The following TRPC7 variants were observed in gnomAD, a reference collection of about 807,000 sequenced individuals.
The protein encoded by TRPC7 is transient receptor potential cation channel subfamily C member 7.
A neutral mutation model predicts 90.1 loss-of-function variants in TRPC7; 42 were observed. That is an observed-to-expected ratio of 0.47 (90% CI 0.36 to 0.60). The LOEUF is 0.60. Among genes scored for constraint, TRPC7 ranks in the 20% least tolerant of loss-of-function variants. The pLI is 0.00. For missense variants in TRPC7, 955 were observed against 1,112.3 expected, an observed-to-expected ratio of 0.86 and a Z score of 2.01; for synonymous variants, 451 against 436.3, an observed-to-expected ratio of 1.03 and a Z score of -0.42.
rs535822616 is a variant in TRPC7, at chr5:136,277,577, C to T, written c.964-2740G>A. On this transcript the variant is annotated intron_variant, in intron 3 of 11. Coordinates refer to ENST00000513104, the MANE Select transcript of TRPC7 (RefSeq NM_020389.3). ...AGGAGGATGAGAGTAGCAAATGAAG[C>T]ACACCAACAGGACACAAAGAAAACT... 2.0e-5 allele frequency among the ~76,000 whole-genome samples: 3 copies of T among 152,196 alleles called. No homozygotes were observed. The East Asian group carries it at 5.8e-4, about 29-fold the overall frequency.
intron 10 of TRPC7, among the ~76,000 whole-genome samples, chr5:136,224,713 A>G (rs1755572433): frequency 6.6e-6 from 1 of 152,094 alleles, no homozygotes; most frequent in Non-Finnish European, 1.5e-5. Flanking sequence ...ATACAATTTC[A>G]TCATCTCCCC....
At chr5:136,324,846 A>G (rs1391020388) in intron 2 of TRPC7, among the ~76,000 whole-genome samples, 3 of 152,246 alleles carry the variant, frequency 2.0e-5, no homozygotes, top group Admixed American at 2.0e-4. Flanking sequence ...CATCCATACA[A>G]TACAGGATAA....
At chr5:136,288,198 T>C (rs562480784) in intron 3 of TRPC7, among the ~76,000 whole-genome samples, 55 of 152,182 alleles carry the variant, frequency 3.6e-4, no homozygotes, top group African/African-American at 1.3e-3. Context: ...ACACGCCTAC[T>C]TCAGAGCTTG....
intron 2 of TRPC7, among the ~76,000 whole-genome samples, chr5:136,356,313 A>C (rs1326381804): frequency 6.6e-6 from 1 of 152,242 alleles, no homozygotes; most frequent in African/African-American, 2.4e-5. Flanking sequence ...TAAGGCATTG[A>C]CATCAGAACC....
chr5:136,275,479 C>T (rs1424407218), intron 3 of TRPC7, among the ~76,000 whole-genome samples: 1 of 152,146 alleles, frequency 6.6e-6, no homozygotes, highest in Non-Finnish European at 1.5e-5. Flanking sequence ...AATATTTTCT[C>T]ACTGGATCCC....
intron 3 of TRPC7, among the ~76,000 whole-genome samples, chr5:136,299,313 A>C (rs865803751): frequency 1.3e-5 from 2 of 148,848 alleles, no homozygotes; most frequent in African/African-American, 5.1e-5. Flanking sequence ...AAAAAAAAAA[A>C]AGAAATTTCT....
chr5:136,333,676 T>C (rs894905402), intron 2 of TRPC7, among the ~76,000 whole-genome samples: 1 of 152,072 alleles, frequency 6.6e-6, no homozygotes, highest in Admixed American at 6.5e-5. Flanking sequence ...GTGGTAAGGA[T>C]ACAGGGATGG....
Position 136,311,928 on chromosome 5 carries a change from A to G in TRPC7, c.963+3669T>C, listed in dbSNP as rs555491903. On this transcript the variant is annotated intron_variant, in intron 3 of 11. Coordinates refer to ENST00000513104, the MANE Select transcript of TRPC7 (RefSeq NM_020389.3). ...ACTGCCTCATTTATACCCATCGGCTACTGAAGCCTGGAGATATTTGAGGCA... is the reference window on the plus strand; with the variant it reads ...ACTGCCTCATTTATACCCATCGGCTGCTGAAGCCTGGAGATATTTGAGGCA... Among the ~76,000 whole-genome samples, 450 of 152,348 alleles carry G rather than the reference A, an allele frequency of 3.0e-3. 1 individual carries two copies. The highest frequency in any genetic ancestry group is 5.6e-3 in the Non-Finnish European group (382 of 68,016).
chr5:136,311,420 C>G (rs192333150), intron 3 of TRPC7, among the ~76,000 whole-genome samples: 33 of 152,306 alleles, frequency 2.2e-4, no homozygotes, highest in African/African-American at 7.7e-4. Context: ...ATGGCAGACA[C>G]TGGGGTCCCT....
intron 3 of TRPC7, among the ~76,000 whole-genome samples, chr5:136,282,756 T>C (rs983708802): frequency 2.6e-5 from 4 of 152,172 alleles, no homozygotes; most frequent in Non-Finnish European, 5.9e-5. Context: ...ATGTTCCAGG[T>C]CTTGGCAGCT....
chr5:136,226,413 T>G (rs1755632891), intron 8 of TRPC7, 158 bp from the exon 9 acceptor site: 1 of 621,802 alleles, frequency 1.6e-6, no homozygotes, highest in Non-Finnish European at 2.8e-6. Context: ...AAGGGGAGTT[T>G]GCTCTCACTA....
At chr5:136,295,542 GC>G (rs1404405173) in intron 3 of TRPC7, among the ~76,000 whole-genome samples, 1 of 152,010 alleles carries the variant, frequency 6.6e-6, no homozygotes, top group East Asian at 1.9e-4. Flanking sequence ...AGTCCCCAGT[GC>G]CCCAGTCCCC....
At chr5:136,292,844 A>AT (rs1758010846) in intron 3 of TRPC7, among the ~76,000 whole-genome samples, 1 of 152,140 alleles carries the variant, frequency 6.6e-6, no homozygotes, top group African/African-American at 2.4e-5. Flanking sequence ...ACAACCAAAA[A>AT]AGAGAATTTT....
chr5:136,274,790 A>G lies in TRPC7; in HGVS notation c.1011T>C (p.Tyr337=). The G allele has an allele frequency of 1.3e-6, 2 of 1,594,356 alleles. No individual in the cohort carries two copies. The highest frequency in any genetic ancestry group is 2.3e-5 in the South Asian group (2 of 87,994). ...GTTGACGTAAGCCTGAGAGATTTTC[A>G]TACCACATGGTAAGCAATTGCTGCT... ...NCQQQLLTMW[Y]ENLSGLRQQS... The change falls in exon 4 of 12, where the codon TAT becomes TAC. Residue 337 remains tyrosine (Y), a synonymous_variant. Coordinates refer to ENST00000513104, the MANE Select transcript of TRPC7 (RefSeq NM_020389.3).
intron 1 of TRPC7, among the ~76,000 whole-genome samples, chr5:136,364,235 G>C (rs1159889198): frequency 6.6e-6 from 1 of 152,160 alleles, no homozygotes; most frequent in Non-Finnish European, 1.5e-5. Flanking sequence ...TTTTTTCTGG[G>C]TTAATTACTG....
chr5:136,237,790 A>T (rs1756029845), intron 7 of TRPC7, among the ~76,000 whole-genome samples: 1 of 152,202 alleles, frequency 6.6e-6, no homozygotes, highest in Non-Finnish European at 1.5e-5. Flanking sequence ...ACTAGTGTTC[A>T]TTTTTTACAA....
At chr5:136,259,764 G>A (rs576794420) in intron 5 of TRPC7, among the ~76,000 whole-genome samples, 5 of 152,308 alleles carry the variant, frequency 3.3e-5, no homozygotes, top group Non-Finnish European at 7.3e-5. Flanking sequence ...ATGGTCACTG[G>A]TTCATTTAGT....
At chr5:136,320,045 C>T (rs986240650) in intron 2 of TRPC7, among the ~76,000 whole-genome samples, 25 of 151,948 alleles carry the variant, frequency 1.6e-4, no homozygotes, top group African/African-American at 5.3e-4. Flanking sequence ...ATCCAATTAC[C>T]AACTTTATAT....
chr5:136,251,249 C>T (rs1387287249), intron 6 of TRPC7, among the ~76,000 whole-genome samples: 2 of 152,190 alleles, frequency 1.3e-5, no homozygotes, highest in Non-Finnish European at 2.9e-5. Context: ...TTGCACAAAA[C>T]ACAGGGATCC....
Sources: allele counts gnomAD v4.1 joint callset (sites outside exome capture counted in the v4.1 genomes callset), GRCh38; gene constraint gnomAD v4.1.1; transcripts MANE v1.5; gene names NCBI Gene and HGNC (gene_info 2026-07-23, HGNC 2026-07-21).